The following UBE4B variants were observed in gnomAD, a reference collection of about 807,000 sequenced individuals.
UBE4B encodes ubiquitin conjugation factor E4 B.
Under a neutral mutation model 148.1 loss-of-function variants are expected in UBE4B, and 27 were observed. The ratio of observed to expected loss-of-function variants is 0.18; its 90% CI spans 0.13 to 0.25. The LOEUF (loss-of-function observed/expected upper bound fraction) is 0.25. UBE4B is among the 10% of genes least tolerant of loss of function. UBE4B has a pLI of 1.00. For missense variants in UBE4B, 1,170 were observed against 1,662.4 expected (o/e 0.70, Z 5.15); for synonymous variants, 596 against 619.3 (o/e 0.96, Z 0.56).
chr1:10,166,081 C>G (rs749386309), intron 23 of UBE4B, among the ~76,000 whole-genome samples: 3 of 152,148 alleles, frequency 2.0e-5, no homozygotes, highest in Non-Finnish European at 4.4e-5. Context: ...CCCAGTATCC[C>G]TGCAGAATCT....
At chr1:10,095,666 T>C (rs1461469044) in intron 3 of UBE4B, 70 bp downstream of exon 3, 5 of 1,588,838 alleles carry the variant, frequency 3.1e-6, no homozygotes, top group African/African-American at 1.3e-5. Context: ...CACTTTAGCC[T>C]CTAGTCCATA....
At chr1:10,094,380 TG>T (rs1208618653) in intron 2 of UBE4B, among the ~76,000 whole-genome samples, 1 of 152,136 alleles carries the variant, frequency 6.6e-6, no homozygotes, top group Non-Finnish European at 1.5e-5. Flanking sequence ...ACAGTAAAGT[TG>T]AGAGAATTTT....
At chr1:10,125,679 TC>T (rs1376565631) in intron 10 of UBE4B, among the ~76,000 whole-genome samples, 1 of 152,212 alleles carries the variant, frequency 6.6e-6, no homozygotes, top group East Asian at 1.9e-4. Context: ...TAGCCTTGAA[TC>T]CCAACCAACT....
chr1:10,111,751 G>A (rs1023235195), intron 7 of UBE4B, among the ~76,000 whole-genome samples: 16 of 152,184 alleles, frequency 1.1e-4, no homozygotes, highest in Non-Finnish European at 1.6e-4. Flanking sequence ...GAGGTCAGGA[G>A]TTCAAGACAA....
intron 15 of UBE4B, among the ~76,000 whole-genome samples, chr1:10,134,021 G>A (rs774623536): frequency 1.3e-5 from 2 of 151,608 alleles, no homozygotes; most frequent in Non-Finnish European, 2.9e-5. Context: ...CTGCACTACA[G>A]CCTGGGCAAC....
chr1:10,059,419 C>T (rs1273503565), intron 1 of UBE4B: 3 of 210,174 alleles, frequency 1.4e-5, no homozygotes, highest in East Asian at 1.1e-4. Context: ...TCCCCAGATC[C>T]AGGAGGGGAA....
Position 10,098,150 on chromosome 1 carries a change from C to T in UBE4B, c.347+2554C>T, listed in dbSNP as rs987409334. Among the ~76,000 whole-genome samples, 10 of 152,062 alleles carry T rather than the reference C, an allele frequency of 6.6e-5. No homozygotes were observed. In the South Asian group the frequency reaches 8.3e-4, roughly 13 times the overall value. On this transcript the variant is annotated intron_variant, in intron 3 of 27. Coordinates refer to ENST00000343090, the MANE Select transcript of UBE4B (RefSeq NM_001105562.3). ...CCTCGCAAAGTGCTGGGATTACAGG[C>T]GTCTTATATTTCAATTAAGTTTGCT...
chr1:10,060,407 A>G (rs993986726), intron 1 of UBE4B, among the ~76,000 whole-genome samples: 2 of 152,110 alleles, frequency 1.3e-5, no homozygotes, highest in African/African-American at 4.8e-5. Flanking sequence ...CTAAACATAG[A>G]AAAGGAACAG....
chr1:10,056,921 A>G (rs530798122), intron 1 of UBE4B, among the ~76,000 whole-genome samples: 127 of 151,668 alleles, frequency 8.4e-4, no homozygotes, highest in Non-Finnish European at 1.5e-3. Context: ...CAGCCTCCCC[A>G]GCCCACCTCA....
chr1:10,056,035 C>T lies in UBE4B; in HGVS notation c.25-15993C>T, dbSNP rs376899578. Among the ~76,000 whole-genome samples, 15 of 152,288 alleles carry T rather than the reference C, an allele frequency of 9.8e-5. No individual in the cohort carries two copies. The South Asian group carries it at 3.1e-3, about 32-fold the overall frequency. On this transcript the variant is annotated intron_variant, in intron 1 of 27. Coordinates refer to ENST00000343090, the MANE Select transcript of UBE4B (RefSeq NM_001105562.3). The stretch of plus-strand genomic sequence containing the variant: ...TCAAAGATGAGAATGGAGACCATAC[C>T]ATCCACTTCTATCCCCTGGGATGTT...
intron 21 of UBE4B, among the ~76,000 whole-genome samples, chr1:10,153,826 T>C (rs1275006320): frequency 6.6e-6 from 1 of 152,098 alleles, no homozygotes; most frequent in African/African-American, 2.4e-5. Context: ...GCTCACGCTG[T>C]AATCCCAGCA....
intron 1 of UBE4B, among the ~76,000 whole-genome samples, chr1:10,045,907 CAGAG>C (rs752231033): frequency 6.6e-5 from 10 of 152,180 alleles, no homozygotes; most frequent in Non-Finnish European, 1.3e-4. Flanking sequence ...ATTGTTGTAA[CAGAG>C]AGACATGAAG....
At chr1:10,124,260 C>A (rs1355160598) in intron 10 of UBE4B, among the ~76,000 whole-genome samples, 1 of 152,014 alleles carries the variant, frequency 6.6e-6, no homozygotes, top group Non-Finnish European at 1.5e-5. Context: ...CTTCTGGGTT[C>A]GAGCGATTCT....
chr1:10,074,119 A>G (rs1312177722), intron 2 of UBE4B, among the ~76,000 whole-genome samples: 1 of 151,716 alleles, frequency 6.6e-6, no homozygotes, highest in Non-Finnish European at 1.5e-5. Context: ...CTCATATTTC[A>G]TTGAGAAAAC....
intron 25 of UBE4B, among the ~76,000 whole-genome samples, chr1:10,175,502 T>C (rs1320151108): frequency 6.6e-6 from 1 of 150,612 alleles, no homozygotes; most frequent in Non-Finnish European, 1.5e-5. Context: ...ATACAAAAAA[T>C]TAGCCAGGCG....
intron 2 of UBE4B, among the ~76,000 whole-genome samples, chr1:10,073,360 G>A (rs1206210318): frequency 6.6e-6 from 1 of 152,134 alleles, no homozygotes; most frequent in Non-Finnish European, 1.5e-5. Flanking sequence ...ACTGGAATAA[G>A]GCTATAGAAA....
intron 2 of UBE4B, among the ~76,000 whole-genome samples, chr1:10,087,570 C>T (rs1250963012): frequency 1.3e-5 from 2 of 152,164 alleles, no homozygotes; most frequent in Non-Finnish European, 1.5e-5. Flanking sequence ...CTTAATTTGG[C>T]TTTGTCTGGT....
intron 25 of UBE4B, among the ~76,000 whole-genome samples, chr1:10,176,384 G>A (rs933565681): frequency 1.3e-5 from 2 of 152,142 alleles, no homozygotes; most frequent in Non-Finnish European, 2.9e-5. Flanking sequence ...TGGTCATGTG[G>A]TAATTCCATG....
Position 10,105,722 on chromosome 1 carries a change from T to C in UBE4B, c.787T>C (p.Phe263Leu). 6.2e-7 allele frequency: 1 copy of C among 1,614,034 alleles called. No homozygotes were observed. Among genetic ancestry groups the C allele is most frequent in the Non-Finnish European group, 8.5e-7 (1 of 1,180,036 alleles). Residue 263 changes from phenylalanine to leucine, a missense_variant, in exon 6 of 28, where the codon TTT (phenylalanine) becomes CTT (leucine). Coordinates refer to ENST00000343090, the MANE Select transcript of UBE4B (RefSeq NM_001105562.3). ...CCCCATGTTCTGCAGCGTGGCTTCC[T>C]TTGGTGCCAGCTCTTTGTCTAGGTC... ...TSPMFCSVAS[F>L]GASSLSSLYE...
Sources: gnomAD v4.1 joint callset for allele counts (sites outside exome capture counted in the v4.1 genomes callset) on GRCh38, gnomAD v4.1.1 for gene constraint, MANE v1.5 for transcripts, NCBI Gene and HGNC (gene_info 2026-07-23, HGNC 2026-07-21) for gene names.